Variants in LARP1B observed in about 807,000 individuals in gnomAD.
LARP1B encodes La ribonucleoprotein 1B.
A neutral mutation model predicts 114.2 loss-of-function variants in LARP1B; 76 were observed. The observed-to-expected ratio is 0.67, with a 90% CI of 0.55 to 0.81. The LOEUF (loss-of-function observed/expected upper bound fraction) is 0.81. LARP1B is among the 30% of genes least tolerant of loss of function. LARP1B has a pLI of 0.00. For synonymous variants in LARP1B, 345 were observed against 348.0 expected, an observed-to-expected ratio of 0.99 and a Z score of 0.10; for missense variants, 1,014 against 1,075.8, an observed-to-expected ratio of 0.94 and a Z score of 0.80.
intron 3 of LARP1B, 138 bp from the exon 4 acceptor site, chr4:128,077,650 G>GA (rs1251533190): frequency 2.3e-6 from 2 of 864,758 alleles, no homozygotes; most frequent in Non-Finnish European, 3.3e-6. Context: ...ACTGTCTTTT[G>GA]AAAAGTAATT....
At chr4:128,103,661 C>T (rs1350849164) in intron 8 of LARP1B, among the ~76,000 whole-genome samples, 3 of 149,672 alleles carry the variant, frequency 2.0e-5, no homozygotes, top group African/African-American at 7.4e-5. Context: ...CTCCTAGGTT[C>T]AAGCGATTCT....
chr4:128,211,622 A>T lies in LARP1B; in HGVS notation c.*1569A>T. ...AATGGGTTAGAATAATAGATCTTCA[A>T]GTCTTTTCTTAAATGGGGTATGTAG... On this transcript the variant is annotated 3_prime_UTR_variant, in exon 20 of 20. Coordinates refer to ENST00000326639, the MANE Select transcript of LARP1B (RefSeq NM_018078.4). 1.0e-6 allele frequency: 1 copy of T among 975,400 alleles called. No individual in the cohort carries two copies. Among genetic ancestry groups the T allele is most frequent in the Non-Finnish European group, 1.2e-6 (1 of 820,896 alleles). The allele number at this position is 975,400 out of a possible 1,614,324, so 60.4% of individuals were successfully genotyped here.
chr4:128,190,553 C>G (rs571920629), intron 15 of LARP1B, among the ~76,000 whole-genome samples: 1 of 152,216 alleles, frequency 6.6e-6, no homozygotes, highest in South Asian at 2.1e-4. Flanking sequence ...GGGCACTTAT[C>G]CCATGCCGTT....
At chr4:128,183,734 G>T (rs1749363860) in intron 15 of LARP1B, among the ~76,000 whole-genome samples, 1 of 152,054 alleles carries the variant, frequency 6.6e-6, no homozygotes, top group African/African-American at 2.4e-5. Flanking sequence ...TCCTCTGTTG[G>T]ACCTGAGCAA....
At chr4:128,172,737 T>C (rs1178432569) in intron 12 of LARP1B, among the ~76,000 whole-genome samples, 1 of 152,026 alleles carries the variant, frequency 6.6e-6, no homozygotes, top group Non-Finnish European at 1.5e-5. Flanking sequence ...CTTGTTACTT[T>C]TTTCTCTTTC....
At chr4:128,094,642 A>G (rs1004817974) in intron 7 of LARP1B, among the ~76,000 whole-genome samples, 1 of 151,806 alleles carries the variant, frequency 6.6e-6, no homozygotes, top group African/African-American at 2.4e-5. Flanking sequence ...CCTGAGCTCA[A>G]AGTGCCTGGC....
At chr4:128,066,797 ATTT>A (rs34995808) in intron 1 of LARP1B, among the ~76,000 whole-genome samples, 127 of 125,292 alleles carry the variant, frequency 1.0e-3, no homozygotes, top group African/African-American at 1.7e-3. Context: ...TTTTCTTGCC[ATTT>A]TTTTTTTTTT....
In LARP1B at chr4:128,210,116, T is replaced by G. The variant is rs113783954; in HGVS notation, c.*63T>G. ...GAAATGCCTGAGAAATAGACTCTTA[T>G]GAAAGTTCTTTGTCCTTGAAGTCAA... On this transcript the variant is annotated 3_prime_UTR_variant, in exon 20 of 20. Transcript: ENST00000326639. 4 of 1,606,818 alleles carry G rather than the reference T, an allele frequency of 2.5e-6. No individual in the cohort carries two copies. The highest frequency in any genetic ancestry group is 2.2e-5 in the East Asian group (1 of 44,738).
In LARP1B at chr4:128,174,551, C is replaced by T. The variant is rs543203759; in HGVS notation, c.1649-2321C>T. ...ACTCTTATTGGTGGGCAAAATTCACCCTGGAATAAAATAAGTATAAAACAA... is the reference window on the plus strand; with the variant it reads ...ACTCTTATTGGTGGGCAAAATTCACTCTGGAATAAAATAAGTATAAAACAA... On this transcript the variant is annotated intron_variant, in intron 12 of 19. Transcript: ENST00000326639. Among the ~76,000 whole-genome samples, 4 of 151,862 alleles carry T rather than the reference C, an allele frequency of 2.6e-5. No homozygotes were observed. The East Asian group carries it at 7.7e-4, about 29-fold the overall frequency.
At chr4:128,133,540 T>C (rs754243216) in intron 11 of LARP1B, among the ~76,000 whole-genome samples, 1 of 152,194 alleles carries the variant, frequency 6.6e-6, no homozygotes, top group Non-Finnish European at 1.5e-5. Flanking sequence ...GGGCCTTGAA[T>C]AGTCAAAACA....
intron 11 of LARP1B, among the ~76,000 whole-genome samples, chr4:128,150,312 A>G (rs1217272337): frequency 1.4e-5 from 2 of 143,630 alleles, no homozygotes; most frequent in Non-Finnish European, 3.0e-5. Context: ...TTTTTTTCAG[A>G]CAGGGTCTCA....
At chr4:128,135,539 G>A (rs1487665756) in intron 11 of LARP1B, among the ~76,000 whole-genome samples, 2 of 152,134 alleles carry the variant, frequency 1.3e-5, no homozygotes, top group East Asian at 1.9e-4. Flanking sequence ...TTCAGTGGAG[G>A]AATGGATAAA....
intron 11 of LARP1B, 83 bp from the exon 12 acceptor site, chr4:128,162,111 T>C (rs1304375219): frequency 3.8e-6 from 5 of 1,309,884 alleles, no homozygotes; most frequent in African/African-American, 3.0e-5. Context: ...TAGAAGTTCA[T>C]TTTTTTGAGG....
At chr4:128,164,729 G>T (rs1030061130) in intron 12 of LARP1B, among the ~76,000 whole-genome samples, 1 of 152,134 alleles carries the variant, frequency 6.6e-6, no homozygotes, top group African/African-American at 2.4e-5. Context: ...GGAGGCCAAG[G>T]CAGGAGGATC....
At chr4:128,097,756 TCAG>T (rs1778599461) in intron 7 of LARP1B, among the ~76,000 whole-genome samples, 1 of 152,162 alleles carries the variant, frequency 6.6e-6, no homozygotes, top group Non-Finnish European at 1.5e-5. Flanking sequence ...ACCACTCTTC[TCAG>T]CGACTGGGAA....
At position 128,090,937 on chromosome 4, in the gene LARP1B, A is replaced by G. The variant is rs1477727393; in HGVS notation, c.359-64A>G. On this transcript the variant is annotated intron_variant, in intron 5 of 19. Coordinates refer to ENST00000326639, the MANE Select transcript of LARP1B (RefSeq NM_018078.4). ...AAGAAGGTGGCTATTATGTTTTCAT[A>G]AAGACAATCATGTTATTTTACTTGG... is the stretch of plus-strand genomic sequence containing the variant. 2.3e-5 allele frequency: 29 copies of G among 1,285,488 alleles called. No individual in the cohort carries two copies. In the East Asian group the frequency reaches 4.0e-4, roughly 18 times the overall value. The allele number at this position is 1,285,488 out of a possible 1,614,324, so 79.6% of individuals were successfully genotyped here. A position where few individuals can be genotyped will look rare whatever the true frequency, so the allele number is the denominator to read the frequency against.
At chr4:128,087,478 C>A (rs924153841) in intron 5 of LARP1B, among the ~76,000 whole-genome samples, 5 of 151,926 alleles carry the variant, frequency 3.3e-5, no homozygotes, top group Admixed American at 6.6e-5. Context: ...TTTAAACATA[C>A]AAAAAATTGA....
chr4:128,122,188 G>T lies in LARP1B; in HGVS notation c.1524G>T (p.Lys508Asn). 2.5e-6 allele frequency: 4 copies of T among 1,611,626 alleles called. No individual in the cohort carries two copies. The highest frequency in any genetic ancestry group is 2.5e-6 in the Non-Finnish European group (3 of 1,178,108). The change falls in exon 11 of 20, where the codon AAG becomes AAT. Residue 508 changes from lysine to asparagine, a missense_variant and splice_region_variant. Physicochemically the swap from Lys to Asn is moderately conservative, Grantham distance 94 (BLOSUM62 0). Coordinates refer to ENST00000326639, the MANE Select transcript of LARP1B (RefSeq NM_018078.4). ...EEDENKHTAI[K>N]QEVENFKKLN... Reference sequence around the variant, plus strand: ...ATGAAAACAAACACACAGCCATAAAGGTAATTGTTTCTGGCCAACATCTTT... The same window carrying T: ...ATGAAAACAAACACACAGCCATAAATGTAATTGTTTCTGGCCAACATCTTT...
At chr4:128,086,284 C>T (rs534789049) in intron 5 of LARP1B, among the ~76,000 whole-genome samples, 6 of 151,990 alleles carry the variant, frequency 3.9e-5, no homozygotes, top group South Asian at 2.1e-4. Flanking sequence ...GGATTACAGG[C>T]GTGAGCCACC....
Sources: gnomAD v4.1 joint callset for allele counts (sites outside exome capture counted in the v4.1 genomes callset) on GRCh38, gnomAD v4.1.1 for gene constraint, MANE v1.5 for transcripts, NCBI Gene and HGNC (gene_info 2026-07-23, HGNC 2026-07-21) for gene names.